The following AGTPBP1 variants were observed in gnomAD, a reference collection of about 807,000 sequenced individuals.
AGTPBP1 encodes the protein ATP/GTP binding carboxypeptidase 1, also known as cytosolic carboxypeptidase 1.
Under a neutral mutation model 143.9 loss-of-function variants are expected in AGTPBP1, and 70 were observed. The ratio of observed to expected loss-of-function variants is 0.49; its 90% CI spans 0.40 to 0.59. The LOEUF is 0.59. AGTPBP1 is among the 20% of genes least tolerant of loss of function. The pLI is 0.00. For synonymous variants in AGTPBP1, 463 were observed against 500.2 expected (o/e 0.93, Z 0.99); for missense variants, 1,229 against 1,464.5 (o/e 0.84, Z 2.62).
rs55882437 is a variant in AGTPBP1, at chr9:85,572,004, G to GTTTTTTTTTTTTTTT, written c.3503+3296_3503+3310dup. On this transcript the variant is annotated intron_variant, in intron 25 of 25. Transcript: ENST00000357081. ...TGGCCATTATTAGTTGTTTGTGTGT[G>GTTTTTTTTTTTTTTT]TTTTTTTTTTTTTTTTTTTTTTTTT... Among the ~76,000 whole-genome samples, 26 of 43,478 alleles carry GTTTTTTTTTTTTTTT rather than the reference G, an allele frequency of 6.0e-4. 7 individuals carry two copies. Among genetic ancestry groups the GTTTTTTTTTTTTTTT allele is most frequent in the East Asian group, 4.5e-3 (4 of 894 alleles). 28.5% of individuals were successfully genotyped at this position (43,478 alleles called of 152,430 possible).
chr9:85,613,719 T>C (rs1031882180), intron 17 of AGTPBP1, among the ~76,000 whole-genome samples: 4 of 152,040 alleles, frequency 2.6e-5, no homozygotes, highest in African/African-American at 4.8e-5. Context: ...CTCCAGAACA[T>C]AGGGTGCAAA....
Position 85,588,373 on chromosome 9 carries a change from G to C in AGTPBP1, c.2828C>G (p.Thr943Ser). The change falls in exon 21 of 26, where the codon ACT (threonine) becomes AGT (serine). Residue 943 changes from threonine (T) to serine (S), a missense_variant. Physicochemically the swap from Thr to Ser is moderately conservative, Grantham distance 58. Transcript: ENST00000357081. ...ATAAGATTCTCGTAAGCTCTGAGCA[G>C]TGGGGTTATTGCTCATGAGATATTC... is the stretch of plus-strand genomic sequence containing the variant. ...TLEYLMSNNP[T>S]AQSLRESYIF... The C allele has an allele frequency of 2.5e-6, 4 of 1,613,422 alleles. No homozygotes were observed. Among genetic ancestry groups the C allele is most frequent in the Non-Finnish European group, 3.4e-6 (4 of 1,179,556 alleles).
chr9:85,703,246 G>T (rs1382016722), intron 2 of AGTPBP1, among the ~76,000 whole-genome samples: 1 of 152,166 alleles, frequency 6.6e-6, no homozygotes. Context: ...ATAATTTCCA[G>T]GAAGAGATGG....
At chr9:85,672,429 A>T in intron 7 of AGTPBP1, 121 bp downstream of exon 7, 2 of 1,143,794 alleles carry the variant, frequency 1.7e-6, no homozygotes, top group Non-Finnish European at 2.4e-6. Flanking sequence ...AAAATGAGCC[A>T]TATTAAATCT....
rs1439153378 is a variant in AGTPBP1, at chr9:85,619,281, C to T, written c.2120G>A (p.Gly707Glu). 1.2e-6 allele frequency: 2 copies of T among 1,612,288 alleles called. No homozygotes were observed. Among genetic ancestry groups the T allele is most frequent in the South Asian group, 2.2e-5 (2 of 90,862 alleles). The change falls in exon 16 of 26, where the codon GGA becomes GAA. Residue 707 changes from glycine (G) to glutamate (E), a missense_variant. Gly to Glu is a moderately conservative substitution (Grantham distance 98, BLOSUM62 -2). Around this residue, in one of 2 missense-constraint regions of AGTPBP1, gnomAD observed 486 missense variants for 652.3 expected, o/e 0.75. Coordinates refer to ENST00000357081, the MANE Select transcript of AGTPBP1 (RefSeq NM_001330701.2). ...DNPNYTIPEE[G>E]DILKFNSKFE... ...TTTGGAGTTAAATTTCAAAATATCT[C>T]CCTCTTCTGGAATGGTGTAACTAAA...
chr9:85,698,922 T>C (rs1412761535), intron 2 of AGTPBP1, among the ~76,000 whole-genome samples: 1 of 151,814 alleles, frequency 6.6e-6, no homozygotes, highest in Non-Finnish European at 1.5e-5. Context: ...CTCGATCTCC[T>C]GACCTCGTGA....
the AGTPBP1 span, among the ~76,000 whole-genome samples, chr9:85,787,340 G>C: frequency 5.3e-5 from 8 of 151,996 alleles, no homozygotes; most frequent in African/African-American, 1.9e-4. Flanking sequence ...TAAAACTAAA[G>C]CATTCTAACA....
At chr9:85,586,217 A>T (rs374521412) in intron 22 of AGTPBP1, among the ~76,000 whole-genome samples, 4 of 152,070 alleles carry the variant, frequency 2.6e-5, no homozygotes, top group Non-Finnish European at 5.9e-5. Flanking sequence ...AAAAAAAAAA[A>T]AAAATTAAAA....
rs1285349414 is a variant in AGTPBP1 at position 85,618,228 on chromosome 9, A to G, written c.2335+755T>C. On this transcript the variant is annotated intron_variant, in intron 17 of 25. Coordinates refer to ENST00000357081, the MANE Select transcript of AGTPBP1 (RefSeq NM_001330701.2). ...AACTTGGGTAACAGAGCAAAACTCC[A>G]TCTCAAAAAAAAAAAAAAAATTACA... Among the ~76,000 whole-genome samples the G allele has an allele frequency of 2.1e-5, 3 of 142,924 alleles. No individual in the cohort carries two copies. The East Asian group carries it at 8.0e-4, about 38-fold the overall frequency. The allele number at this position is 142,924 out of a possible 152,430, so 93.8% of individuals were successfully genotyped here.
At chr9:85,651,910 GT>G (rs1833185133) in intron 11 of AGTPBP1, among the ~76,000 whole-genome samples, 1 of 152,176 alleles carries the variant, frequency 6.6e-6, no homozygotes. Context: ...CAGTCCTATT[GT>G]GATATATATT....
chr9:85,688,283 C>G (rs1452548105), intron 3 of AGTPBP1, among the ~76,000 whole-genome samples: 1 of 152,068 alleles, frequency 6.6e-6, no homozygotes, highest in East Asian at 1.9e-4. Context: ...GCTAGGGTCT[C>G]TTAACCTCAG....
At chr9:85,678,517 G>A (rs1269338920) in intron 4 of AGTPBP1, 119 bp from the exon 5 acceptor site, 5 of 525,918 alleles carry the variant, frequency 9.5e-6, no homozygotes, top group Non-Finnish European at 1.6e-5. Flanking sequence ...AGGAACAAAG[G>A]TATTCAGGTT....
intron 25 of AGTPBP1, among the ~76,000 whole-genome samples, chr9:85,550,192 TGTGAGAGA>T (rs1318499911): frequency 2.8e-5 from 4 of 145,256 alleles, no homozygotes; most frequent in African/African-American, 7.8e-5. Flanking sequence ...TGTGTGTGTG[TGTGAGAGA>T]GAGAGAGAGA....
upstream of AGTPBP1, among the ~76,000 whole-genome samples, chr9:85,743,429 G>A (rs115355804): frequency 0.032 from 4,941 of 152,186 alleles, 104 homozygotes; most frequent in African/African-American, 0.055. Flanking sequence ...CACATAGTTT[G>A]CCACAAGAGT....
At chr9:85,759,774 A>G in the AGTPBP1 span, among the ~76,000 whole-genome samples, 1 of 152,230 alleles carries the variant, frequency 6.6e-6, no homozygotes, top group Non-Finnish European at 1.5e-5. Context: ...CTAAGATCAG[A>G]GCAGAACTGA....
chr9:85,611,135 C>G (rs1227651642), intron 17 of AGTPBP1, among the ~76,000 whole-genome samples: 2 of 138,774 alleles, frequency 1.4e-5, no homozygotes, highest in African/African-American at 2.7e-5. Context: ...TGATCTGTAT[C>G]TTGTGGTTTA....
At chr9:85,682,491 T>C (rs2134172807) in intron 3 of AGTPBP1, among the ~76,000 whole-genome samples, 1 of 152,290 alleles carries the variant, frequency 6.6e-6, no homozygotes, top group South Asian at 2.1e-4. Flanking sequence ...AACCCAAAAC[T>C]TATAGTCTTC....
chr9:85,726,056 C>CAAA (rs948203314), intron 1 of AGTPBP1, among the ~76,000 whole-genome samples: 5 of 40,786 alleles, frequency 1.2e-4, no homozygotes, highest in Admixed American at 3.4e-4. Flanking sequence ...GACTCCATCT[C>CAAA]AAAAAAAAAA....
chr9:85,573,067 ACTCCCTCTCCCT>A (rs759082752), intron 25 of AGTPBP1, among the ~76,000 whole-genome samples: 6 of 151,202 alleles, frequency 4.0e-5, no homozygotes, highest in Admixed American at 6.6e-5. Context: ...TATGACATGA[ACTCCCTCTCCCT>A]CTCCCTCTCC....
Sources: allele counts gnomAD v4.1 joint callset (sites outside exome capture counted in the v4.1 genomes callset), GRCh38; gene constraint gnomAD v4.1.1; regional missense constraint gnomAD v4.1.1; transcripts MANE v1.5; gene names NCBI Gene and HGNC (gene_info 2026-07-23, HGNC 2026-07-21).